SLC35F3: variants seen among roughly 807,000 people sequenced by gnomAD.
SLC35F3 encodes solute carrier family 35 member F3, also known as putative thiamine transporter SLC35F3.
A neutral mutation model predicts 49.9 loss-of-function variants in SLC35F3; 25 were observed. The observed-to-expected ratio is 0.50, with a 90% CI of 0.37 to 0.70. SLC35F3 has a LOEUF of 0.70. SLC35F3 is among the 30% of genes least tolerant of loss of function. The pLI, the probability that SLC35F3 is intolerant of heterozygous loss-of-function variation, is 0.00. For synonymous variants in SLC35F3, 275 were observed against 265.4 expected (o/e 1.04, Z -0.35); for missense variants, 525 against 639.8 (o/e 0.82, Z 1.94).
At chr1:234,145,431 T>G (rs987162331) in intron 2 of SLC35F3, among the ~76,000 whole-genome samples, 54 of 152,172 alleles carry the variant, frequency 3.5e-4, no homozygotes, top group African/African-American at 1.3e-3. Context: ...TTAATATCCA[T>G]CTTCAGTTAG....
intron 3 of SLC35F3, among the ~76,000 whole-genome samples, chr1:234,235,839 G>C (rs143925872): frequency 6.6e-6 from 1 of 152,284 alleles, no homozygotes; most frequent in East Asian, 1.9e-4. Context: ...GCAAGGGCCC[G>C]GTGTGTGTAC....
At chr1:234,116,593 C>T (rs1030445004) in intron 2 of SLC35F3, among the ~76,000 whole-genome samples, 13 of 151,614 alleles carry the variant, frequency 8.6e-5, no homozygotes, top group African/African-American at 2.9e-4. Flanking sequence ...CTCACTGCAA[C>T]CTCCGTCTCC....
intron 2 of SLC35F3, among the ~76,000 whole-genome samples, chr1:233,996,406 A>G (rs4244362): frequency 0.27 from 41,748 of 151,850 alleles, 5,964 homozygotes; most frequent in East Asian, 0.49. Flanking sequence ...CCAATCCCTC[A>G]TGGATACTGA....
At chr1:234,300,190 A>G (rs1668672525) in intron 3 of SLC35F3, among the ~76,000 whole-genome samples, 1 of 152,228 alleles carries the variant, frequency 6.6e-6, no homozygotes, top group Non-Finnish European at 1.5e-5. Flanking sequence ...TAACTGGCTG[A>G]CGAACAGAAA....
At chr1:234,191,233 A>G (rs1391407295) in intron 2 of SLC35F3, among the ~76,000 whole-genome samples, 1 of 152,206 alleles carries the variant, frequency 6.6e-6, no homozygotes, top group Non-Finnish European at 1.5e-5. Context: ...GAAAACTGAA[A>G]TTATGTCAAG....
rs1657605811 is a variant in SLC35F3, at chr1:234,320,993, A to C, written c.1237+806A>C. On this transcript the variant is annotated intron_variant, in intron 7 of 7. Transcript: ENST00000366618. The surrounding 1 kb of genome is among the most constrained non-coding windows in gnomAD (Gnocchi z 4.8). ...TTTGTCCCTGGCACAGCTTCCTCCA[A>C]AGCCATCTCCCAAATCCTGCCACTT... Among the ~76,000 whole-genome samples, 1 of 151,628 alleles carries C rather than the reference A, an allele frequency of 6.6e-6. No homozygotes were observed. The highest frequency in any genetic ancestry group is 1.5e-5 in the Non-Finnish European group (1 of 67,908).
At chr1:234,095,469 G>T (rs970197059) in intron 2 of SLC35F3, among the ~76,000 whole-genome samples, 1 of 152,228 alleles carries the variant, frequency 6.6e-6, no homozygotes, top group African/African-American at 2.4e-5. Context: ...AAGAGGGATG[G>T]ATTCGAAGTC....
At chr1:234,101,894 G>A (rs886451306) in intron 2 of SLC35F3, among the ~76,000 whole-genome samples, 17 of 152,318 alleles carry the variant, frequency 1.1e-4, no homozygotes, top group African/African-American at 4.1e-4. Context: ...AGCAATATCA[G>A]GATAAACTTA....
At chr1:234,021,550 C>T (rs1372410294) in intron 2 of SLC35F3, among the ~76,000 whole-genome samples, 1 of 152,186 alleles carries the variant, frequency 6.6e-6, no homozygotes, top group African/African-American at 2.4e-5. Flanking sequence ...ATAATCAGGC[C>T]TGATTGTATT....
chr1:234,214,353 G>C lies in SLC35F3; in HGVS notation c.284-17064G>C. 7.6e-7 allele frequency: 1 copy of C among 1,316,990 alleles called. No homozygotes were observed. The highest frequency in any genetic ancestry group is 9.7e-7 in the Non-Finnish European group (1 of 1,034,158). 81.6% of individuals were successfully genotyped at this position (1,316,990 alleles called of 1,614,324 possible). ...GCAACCGGAGCCCGGCGGGCAGCCG[G>C]GGAGGCCGGGACTGAGAGGGGCGAG... On this transcript the variant is annotated intron_variant, in intron 2 of 7. Coordinates refer to ENST00000366618, the MANE Select transcript of SLC35F3 (RefSeq NM_173508.4). This position sits in a 1 kb window ranked among gnomAD's most constrained non-coding sequence, Gnocchi z 8.0.
At chr1:234,274,708 G>T (rs1668171361) in intron 3 of SLC35F3, among the ~76,000 whole-genome samples, 1 of 152,188 alleles carries the variant, frequency 6.6e-6, no homozygotes, top group African/African-American at 2.4e-5. Context: ...GATTCCAACT[G>T]CTGAGGAAGA....
intron 3 of SLC35F3, among the ~76,000 whole-genome samples, chr1:234,267,900 T>G (rs753058996): frequency 2.6e-4 from 23 of 89,588 alleles, no homozygotes; most frequent in South Asian, 6.4e-4. Flanking sequence ...GACGATGGGC[T>G]GCCGGGCAGA....
At position 233,905,134 on chromosome 1, in the gene SLC35F3, A is replaced by T; in HGVS notation, c.53+4A>T. 2 of 1,555,028 alleles carry T rather than the reference A, an allele frequency of 1.3e-6. No homozygotes were observed. Among genetic ancestry groups the T allele is most frequent in the Non-Finnish European group, 1.7e-6 (2 of 1,148,468 alleles). Reference sequence around the variant, plus strand: ...CCAGGGGCAAGAGCATTGCCGTGTGAGTAGCGCCCCGGGCGTGGGTGAGCG... The same window carrying T: ...CCAGGGGCAAGAGCATTGCCGTGTGTGTAGCGCCCCGGGCGTGGGTGAGCG... On this transcript the variant is annotated splice_donor_region_variant and intron_variant, in intron 1 of 7. Transcript: ENST00000366618.
At chr1:233,980,476 G>A (rs1383959274) in intron 2 of SLC35F3, among the ~76,000 whole-genome samples, 1 of 152,156 alleles carries the variant, frequency 6.6e-6, no homozygotes, top group Non-Finnish European at 1.5e-5. Flanking sequence ...CACATCCCTT[G>A]CAGGGACTTT....
At chr1:234,207,401 C>T (rs80011026) in intron 2 of SLC35F3, among the ~76,000 whole-genome samples, 1 of 145,920 alleles carries the variant, frequency 6.9e-6, no homozygotes, top group Non-Finnish European at 1.5e-5. Context: ...CTTCCTTCCT[C>T]CCTCCCTCCT....
intron 2 of SLC35F3, among the ~76,000 whole-genome samples, chr1:234,128,514 G>A (rs1016776071): frequency 3.3e-5 from 5 of 152,162 alleles, no homozygotes; most frequent in African/African-American, 9.7e-5. Flanking sequence ...GAGGAATGGC[G>A]GAGGTGGAGC....
At chr1:234,121,133 C>CTTTTTTTTTT (rs66702949) in intron 2 of SLC35F3, among the ~76,000 whole-genome samples, 2 of 102,794 alleles carry the variant, frequency 1.9e-5, no homozygotes, top group Admixed American at 1.3e-4. Flanking sequence ...TGAAAAATTA[C>CTTTTTTTTTT]TTTTTTTTTT....
chr1:234,100,831 G>T (rs973879274), intron 2 of SLC35F3, among the ~76,000 whole-genome samples: 1 of 152,204 alleles, frequency 6.6e-6, no homozygotes, highest in Non-Finnish European at 1.5e-5. Context: ...TATTACTTCT[G>T]CCAGAAAGTG....
rs1474352252 is a variant in SLC35F3 at position 233,905,139 on chromosome 1, C to T, written c.53+9C>T. 1 of 1,553,336 alleles carries T rather than the reference C, an allele frequency of 6.4e-7. No homozygotes were observed. Among genetic ancestry groups the T allele is most frequent in the Non-Finnish European group, 8.7e-7 (1 of 1,147,646 alleles). ...GGCAAGAGCATTGCCGTGTGAGTAGCGCCCCGGGCGTGGGTGAGCGAGCCG... is the reference window on the plus strand; with the variant it reads ...GGCAAGAGCATTGCCGTGTGAGTAGTGCCCCGGGCGTGGGTGAGCGAGCCG... On this transcript the variant is annotated intron_variant, in intron 1 of 7. Transcript: ENST00000366618.
Sources: gnomAD v4.1 joint callset for allele counts (sites outside exome capture counted in the v4.1 genomes callset) on GRCh38, gnomAD v4.1.1 for gene constraint, Gnocchi (gnomAD v3.1) non-coding constraint, MANE v1.5 for transcripts, NCBI Gene and HGNC (gene_info 2026-07-23, HGNC 2026-07-21) for gene names.